The following CLNK variants were observed in gnomAD, a reference collection of about 807,000 sequenced individuals.
CLNK encodes cytokine dependent hematopoietic cell linker, also known as cytokine-dependent hematopoietic cell linker.
CLNK carries 74 observed loss-of-function variants against 68.6 expected under a neutral mutation model. The observed-to-expected ratio is 1.08, with a 90% CI of 0.89 to 1.31. The LOEUF (loss-of-function observed/expected upper bound fraction) is 1.31. CLNK is among the 50% of genes most tolerant of loss of function. CLNK has a pLI of 0.00. For synonymous variants in CLNK, 198 were observed against 172.2 expected (o/e 1.15, Z -1.17); for missense variants, 553 against 515.3 (o/e 1.07, Z -0.71).
chr4:10,657,348 G>A (rs543479156), intron 2 of CLNK, among the ~76,000 whole-genome samples: 2 of 152,268 alleles, frequency 1.3e-5, no homozygotes, highest in South Asian at 4.2e-4. Flanking sequence ...ATGAAAGGAG[G>A]AATGAAAACA....
chr4:10,713,663 G>C, the CLNK span, among the ~76,000 whole-genome samples: 1 of 152,134 alleles, frequency 6.6e-6, no homozygotes, highest in Non-Finnish European at 1.5e-5. Context: ...CCTGGAAATG[G>C]ATCCCTCATG....
chr4:10,503,769 A>G (rs1433477996), intron 17 of CLNK, among the ~76,000 whole-genome samples: 1 of 130,746 alleles, frequency 7.6e-6, no homozygotes, highest in Non-Finnish European at 1.6e-5. Flanking sequence ...TTTCATTTAG[A>G]GACTTTTTTT....
chr4:10,733,303 C>T, the CLNK span, among the ~76,000 whole-genome samples: 5 of 152,114 alleles, frequency 3.3e-5, no homozygotes, highest in Non-Finnish European at 7.4e-5. Flanking sequence ...ACCACCACCC[C>T]GGACATTCAT....
At chr4:10,597,292 G>A (rs1721420351) in intron 3 of CLNK, among the ~76,000 whole-genome samples, 1 of 152,176 alleles carries the variant, frequency 6.6e-6, no homozygotes, top group African/African-American at 2.4e-5. Flanking sequence ...CTGAGCATGG[G>A]AGAGACGGTT....
intron 1 of CLNK, among the ~76,000 whole-genome samples, chr4:10,674,292 G>T (rs1382818940): frequency 6.6e-6 from 1 of 152,172 alleles, no homozygotes; most frequent in Non-Finnish European, 1.5e-5. Flanking sequence ...AGGAGAGGCT[G>T]CCTGTTTTCA....
the CLNK span, among the ~76,000 whole-genome samples, chr4:10,732,652 G>A: frequency 1.3e-4 from 20 of 151,802 alleles, no homozygotes; most frequent in African/African-American, 4.8e-4. Flanking sequence ...CAGAAGAGGT[G>A]AGAATTGATG....
At position 10,513,488 on chromosome 4, in the gene CLNK, AGGT is replaced by A; in HGVS notation, c.879_881del (p.Pro294del). The A allele has an allele frequency of 6.2e-7, 1 of 1,611,866 alleles. No individual in the cohort carries two copies. The highest frequency in any genetic ancestry group is 1.1e-5 in the South Asian group (1 of 90,356). ...CCTTTCTATCAGACCTTTTGGGGAA[AGGT>A]GGTCTCCAGCTTGTGTATTTATAGG... On this transcript the variant is annotated inframe_deletion, in exon 16 of 19. Transcript: ENST00000226951.
intron 3 of CLNK, among the ~76,000 whole-genome samples, chr4:10,589,530 G>A (rs1721108089): frequency 6.6e-6 from 1 of 152,186 alleles, no homozygotes; most frequent in Admixed American, 6.5e-5. Context: ...AGCAGAGGAA[G>A]CATCAGCAAA....
chr4:10,487,629 T>C lies in CLNK; in HGVS notation c.*2838A>G, dbSNP rs1282963200. ...GCCACAGCATTTGCAGGTCTTTTTTTTTTGTTGTTTTTCTTTTTCCCAGGA... is the reference window on the plus strand; with the variant it reads ...GCCACAGCATTTGCAGGTCTTTTTTCTTTGTTGTTTTTCTTTTTCCCAGGA... On this transcript the variant is annotated 3_prime_UTR_variant, in exon 19 of 19. Coordinates refer to ENST00000226951, the MANE Select transcript of CLNK (RefSeq NM_052964.4). 6.6e-6 allele frequency: 1 copy of C among 152,128 alleles called. No individual in the cohort carries two copies. The highest frequency in any genetic ancestry group is 1.5e-5 in the Non-Finnish European group (1 of 68,060). 9.4% of individuals were successfully genotyped at this position (152,128 alleles called of 1,614,324 possible). A position where few individuals can be genotyped will look rare whatever the true frequency, so the allele number is the denominator to read the frequency against.
At chr4:10,680,545 G>C (rs1362028469) in intron 1 of CLNK, among the ~76,000 whole-genome samples, 1 of 151,694 alleles carries the variant, frequency 6.6e-6, no homozygotes, top group Non-Finnish European at 1.5e-5. Context: ...ACAAAAAAGG[G>C]ACAAAGGCCA....
intron 1 of CLNK, among the ~76,000 whole-genome samples, chr4:10,679,617 C>G (rs985974159): frequency 6.6e-6 from 1 of 152,186 alleles, no homozygotes; most frequent in African/African-American, 2.4e-5. Context: ...ATCTACTCAT[C>G]TGACAAAGGG....
At chr4:10,609,360 T>C (rs1381200417) in intron 2 of CLNK, among the ~76,000 whole-genome samples, 4 of 152,304 alleles carry the variant, frequency 2.6e-5, no homozygotes, top group Admixed American at 2.0e-4. Context: ...CATTCTCTGA[T>C]CTCCTTCCAG....
chr4:10,556,859 C>T (rs1224238334), intron 8 of CLNK, among the ~76,000 whole-genome samples: 2 of 152,106 alleles, frequency 1.3e-5, no homozygotes, highest in African/African-American at 2.4e-5. Flanking sequence ...GGGCAGATCA[C>T]GAGGTCAGGA....
the CLNK span, among the ~76,000 whole-genome samples, chr4:10,707,435 G>C: frequency 6.6e-6 from 1 of 152,182 alleles, no homozygotes; most frequent in South Asian, 2.1e-4. Context: ...CTGAACTCAG[G>C]TATTCCTTTA....
the CLNK span, among the ~76,000 whole-genome samples, chr4:10,698,608 T>C: frequency 6.6e-6 from 1 of 152,230 alleles, no homozygotes; most frequent in Non-Finnish European, 1.5e-5. Context: ...TCCAAAATTC[T>C]CACATTTCTC....
chr4:10,593,221 CT>C lies in CLNK; in HGVS notation c.83+4756del, dbSNP rs546658930. On this transcript the variant is annotated intron_variant, in intron 3 of 18. Transcript: ENST00000226951. ...ACAGTGAGAAAAGTGACCCTTATGG[CT>C]CTCTCAGTGCTGCAGAGGCTCAGGG... Among the ~76,000 whole-genome samples, 423 of 152,314 alleles carry C rather than the reference CT, an allele frequency of 2.8e-3. 2 individuals are homozygous for C. The highest frequency in any genetic ancestry group is 9.9e-3 in the African/African-American group (410 of 41,564).
intron 12 of CLNK, among the ~76,000 whole-genome samples, chr4:10,530,613 A>C (rs1718496858): frequency 6.6e-6 from 1 of 152,210 alleles, no homozygotes; most frequent in Non-Finnish European, 1.5e-5. Context: ...CTGCCATCTA[A>C]GGCTGACCCC....
chr4:10,660,009 T>C (rs1264816103), intron 2 of CLNK, among the ~76,000 whole-genome samples: 2 of 152,246 alleles, frequency 1.3e-5, no homozygotes, highest in East Asian at 3.8e-4. Context: ...ACCAGTGTTT[T>C]GGACTTCATG....
In CLNK at chr4:10,525,881, C is replaced by T. The variant is rs754213701; in HGVS notation, c.691G>A (p.Glu231Lys). 6.3e-7 allele frequency: 1 copy of T among 1,583,712 alleles called. No individual in the cohort carries two copies. The highest frequency in any genetic ancestry group is 1.2e-5 in the South Asian group (1 of 86,426). ...GGAATCTCTTGAGTATTTTGGTTTT[C>T]TAACAGATGAGTTGATTCAGGCTTC... ...QRKPESTHLL[E>K]NQNTQEIPLA... Residue 231 changes from glutamate to lysine, a missense_variant, in exon 14 of 19, where the codon GAA (glutamate) becomes AAA (lysine). Physicochemically the swap from Glu to Lys is moderately conservative, Grantham distance 56 (BLOSUM62 1). Coordinates refer to ENST00000226951, the MANE Select transcript of CLNK (RefSeq NM_052964.4).
Sources: allele counts gnomAD v4.1 joint callset (sites outside exome capture counted in the v4.1 genomes callset), GRCh38; gene constraint gnomAD v4.1.1; transcripts MANE v1.5; gene names NCBI Gene and HGNC (gene_info 2026-07-23, HGNC 2026-07-21).